Variants in IRF3 observed in about 807,000 individuals in gnomAD.
IRF3 encodes the protein interferon regulatory factor 3.
IRF3 carries 29 observed loss-of-function variants against 43.2 expected under a neutral mutation model. The ratio of observed to expected loss-of-function variants is 0.67; its 90% CI spans 0.50 to 0.91. IRF3 has a LOEUF of 0.91. IRF3 is among the 40% of genes least tolerant of loss of function. The probability of loss-of-function intolerance (pLI) is 0.00; values close to 1 mark genes in which losing one functional copy is unlikely to be tolerated. For synonymous variants in IRF3, 228 were observed against 233.9 expected (o/e 0.97, Z 0.23); for missense variants, 505 against 559.1 (o/e 0.90, Z 0.98).
intron 2 of IRF3, chr19:49,663,856 T>C (rs1220891069): frequency 2.1e-5 from 6 of 282,746 alleles, no homozygotes; most frequent in Non-Finnish European, 4.1e-5. Context: ...CCACTACACC[T>C]GGCTAATTTT....
Position 49,662,522 on chromosome 19 carries a change from AG to A in IRF3, c.503del (p.Pro168LeufsTer25). ...PSLAVAPEPCPQPLRSPSLDN... is the reference protein window; with the variant it reads ...PSLAVAPEPCXQPLRSPSLDN... ...CCAAGCTGGGGCTCCGCAGGGGCTG[AG>A]GGCAGGGCTCAGGGGCTACAGCCAG... On this transcript the variant is annotated frameshift_variant, in exon 5 of 8. Transcript: ENST00000377139. LOFTEE classifies it high-confidence loss of function. 1 of 1,546,386 alleles carries A rather than the reference AG, an allele frequency of 6.5e-7. No individual in the cohort carries two copies. The highest frequency in any genetic ancestry group is 8.7e-7 in the Non-Finnish European group (1 of 1,150,052).
chr19:49,665,729 T>C lies in IRF3; in HGVS notation c.-107A>G, dbSNP rs1320960172. On this transcript the variant is annotated 5_prime_UTR_variant, in exon 1 of 8. It removes the in-frame stop codon of an upstream open reading frame in the 5' UTR. Coordinates refer to ENST00000377139, the MANE Select transcript of IRF3 (RefSeq NM_001571.6). Reference sequence around the variant, plus strand: ...TCGAGGCTGCGCACCCCCTTTCCCGTCAGCTGAGCTCTAGAGCGCTGGGGC... The same window carrying C: ...TCGAGGCTGCGCACCCCCTTTCCCGCCAGCTGAGCTCTAGAGCGCTGGGGC... The C allele has an allele frequency of 4.1e-6, 6 of 1,473,804 alleles. No homozygotes were observed. Among genetic ancestry groups the C allele is most frequent in the Admixed American group, 2.2e-5 (1 of 45,458 alleles). 91.3% of individuals were successfully genotyped at this position (1,473,804 alleles called of 1,614,324 possible).
Position 49,661,742 on chromosome 19 carries a change from A to C in IRF3, c.982+206T>G, listed in dbSNP as rs967817119. The C allele has an allele frequency of 8.4e-6, 5 of 593,348 alleles. No homozygotes were observed. The African/African-American group carries it at 9.3e-5, about 11-fold the overall frequency. 36.8% of individuals were successfully genotyped at this position (593,348 alleles called of 1,614,324 possible). On this transcript the variant is annotated intron_variant, in intron 6 of 7. Transcript: ENST00000377139. ...TTACAGGCACGTGCCACCACGCCCG[A>C]CTATTTTTTTGTATCTTTAGTAGAG...
In IRF3 at chr19:49,662,582, C is replaced by A. The variant is rs1453891988; in HGVS notation, c.444G>T (p.Val148=). 3 of 1,527,742 alleles carry A rather than the reference C, an allele frequency of 2.0e-6. No homozygotes were observed. The highest frequency in any genetic ancestry group is 2.6e-6 in the Non-Finnish European group (3 of 1,141,732). 94.6% of individuals were successfully genotyped at this position (1,527,742 alleles called of 1,614,324 possible). Residue 148 remains valine, a synonymous_variant, in exon 5 of 8, where the codon GTG becomes GTT. Coordinates refer to ENST00000377139, the MANE Select transcript of IRF3 (RefSeq NM_001571.6). ...DILDELLGNM[V]LAPLPDPGPP... ...GTCCCGGATCTGGGAGTGGGGCCAACACCATGTTACCCAGTAACTCATCCA... is the reference window on the plus strand; with the variant it reads ...GTCCCGGATCTGGGAGTGGGGCCAAAACCATGTTACCCAGTAACTCATCCA...
intron 1 of IRF3, chr19:49,665,275 A>T (rs985281327): frequency 5.7e-6 from 1 of 176,194 alleles, no homozygotes; most frequent in Non-Finnish European, 1.2e-5. Flanking sequence ...CCTACAGAAG[A>T]TCTCCCAAAA....
At position 49,665,665 on chromosome 19, in the gene IRF3, A is replaced by C. The variant is rs1229756751; in HGVS notation, c.-43T>G. Reference sequence around the variant, plus strand: ...AAGGTCGGGGCGTGCGGGCAGCTGGAACCCACCCCTGTCTTGGAGCTCCGG... The same window carrying C: ...AAGGTCGGGGCGTGCGGGCAGCTGGCACCCACCCCTGTCTTGGAGCTCCGG... On this transcript the variant is annotated 5_prime_UTR_variant, in exon 1 of 8. Transcript: ENST00000377139. The C allele has an allele frequency of 2.7e-5, 27 of 982,600 alleles. No homozygotes were observed. The highest frequency in any genetic ancestry group is 3.4e-5 in the Non-Finnish European group (23 of 678,658). 60.9% of individuals were successfully genotyped at this position (982,600 alleles called of 1,614,324 possible). A position where few individuals can be genotyped will look rare whatever the true frequency, so the allele number is the denominator to read the frequency against.
rs760281489 is a variant in IRF3 at position 49,663,307 on chromosome 19, G to A, written c.337+36C>T. 2.5e-6 allele frequency: 4 copies of A among 1,613,900 alleles called. No homozygotes were observed. In the South Asian group the frequency reaches 4.4e-5, roughly 18 times the overall value. On this transcript the variant is annotated intron_variant, in intron 3 of 7. Coordinates refer to ENST00000377139, the MANE Select transcript of IRF3 (RefSeq NM_001571.6). ...AGTAGGAGTGCCAGGAACCCTTGGG[G>A]CCCCAGCCTCCCACACGAACCCCAA... is the stretch of plus-strand genomic sequence containing the variant.
In IRF3 at chr19:49,663,526, GTGGTGTCAGGA is replaced by G; in HGVS notation, c.166-23_166-13del. On this transcript the variant is annotated splice_polypyrimidine_tract_variant and intron_variant, in intron 2 of 7. Coordinates refer to ENST00000377139, the MANE Select transcript of IRF3 (RefSeq NM_001571.6). ...GCCTCGGCCCAGGCCTGGGGCAACA[GTGGTGTCAGGA>G]TGGTGGGGGAGGACGACTTAGATCC... 6.2e-7 allele frequency: 1 copy of G among 1,613,566 alleles called. No homozygotes were observed. Among genetic ancestry groups the G allele is most frequent in the Non-Finnish European group, 8.5e-7 (1 of 1,179,820 alleles).
In IRF3 at chr19:49,659,849, G is replaced by T. The variant is rs755596936; in HGVS notation, c.1099-16C>A. ...TGGGCACAACCTGCAGGGGAAGTGGGGACAGGAGTCAGGGAAAACACCCAG... is the reference window on the plus strand; with the variant it reads ...TGGGCACAACCTGCAGGGGAAGTGGTGACAGGAGTCAGGGAAAACACCCAG... On this transcript the variant is annotated splice_polypyrimidine_tract_variant and intron_variant, in intron 7 of 7. Coordinates refer to ENST00000377139, the MANE Select transcript of IRF3 (RefSeq NM_001571.6). The T allele has an allele frequency of 6.4e-7, 1 of 1,561,038 alleles. No homozygotes were observed. Among genetic ancestry groups the T allele is most frequent in the Admixed American group, 1.8e-5 (1 of 55,516 alleles).
In IRF3 at chr19:49,659,723, G is replaced by A. The variant is rs11554833; in HGVS notation, c.1209C>T (p.Leu403=). 1.4e-3 allele frequency: 2,236 copies of A among 1,613,928 alleles called. 27 individuals are homozygous for A. In the African/African-American group the frequency reaches 0.027, roughly 19 times the overall value. ...LHISNSHPLS[L]TSDQYKAYLQ... ...GGTAGGCCTTGTACTGGTCGGAGGT[G>A]AGGGAGAGTGGGTGGCTGTTGGAAA... Residue 403 remains leucine (L), a synonymous_variant, in exon 8 of 8, where the codon CTC becomes CTT. Transcript: ENST00000377139.
intron 6 of IRF3, among the ~76,000 whole-genome samples, chr19:49,661,225 T>C (rs1482381713): frequency 3.3e-5 from 5 of 152,208 alleles, no homozygotes; most frequent in Non-Finnish European, 7.3e-5. Context: ...ACGTCCTGGT[T>C]GCACTCGCCT....
In IRF3 at chr19:49,665,687, C is replaced by T. The variant is rs1055970445; in HGVS notation, c.-65G>A. ...TGGAACCCACCCCTGTCTTGGAGCTCCGGGTAGCTCTCAAACTCGAGGCTG... is the reference window on the plus strand; with the variant it reads ...TGGAACCCACCCCTGTCTTGGAGCTTCGGGTAGCTCTCAAACTCGAGGCTG... On this transcript the variant is annotated 5_prime_UTR_variant, in exon 1 of 8. Transcript: ENST00000377139. The T allele has an allele frequency of 2.0e-5, 24 of 1,223,454 alleles. No homozygotes were observed. Among genetic ancestry groups the T allele is most frequent in the Admixed American group, 9.7e-5 (4 of 41,200 alleles). 75.8% of individuals were successfully genotyped at this position (1,223,454 alleles called of 1,614,324 possible).
chr19:49,661,864 C>G (rs778895955), intron 6 of IRF3, 84 bp downstream of exon 6: 2 of 1,493,034 alleles, frequency 1.3e-6, no homozygotes, highest in African/African-American at 2.8e-5. Context: ...CAGGCGTGAG[C>G]CACCGTGCCC....
Position 49,662,553 on chromosome 19 carries a change from G to C in IRF3, c.473C>G (p.Pro158Arg). 2 of 1,530,322 alleles carry C rather than the reference G, an allele frequency of 1.3e-6. No homozygotes were observed. Among genetic ancestry groups the C allele is most frequent in the Non-Finnish European group, 1.7e-6 (2 of 1,143,208 alleles). The allele number at this position is 1,530,322 out of a possible 1,614,324, so 94.8% of individuals were successfully genotyped here. ...VLAPLPDPGP[P>R]SLAVAPEPCP... Reference sequence around the variant, plus strand: ...GGGCTCAGGGGCTACAGCCAGGCTTGGGGGTCCCGGATCTGGGAGTGGGGC... The same window carrying C: ...GGGCTCAGGGGCTACAGCCAGGCTTCGGGGTCCCGGATCTGGGAGTGGGGC... Residue 158 changes from proline (P) to arginine (R), a missense_variant, in exon 5 of 8, where the codon CCA becomes CGA. By Grantham distance (103) the Pro-to-Arg change is moderately radical (BLOSUM62 -2). Coordinates refer to ENST00000377139, the MANE Select transcript of IRF3 (RefSeq NM_001571.6).
chr19:49,664,923 CTCCTTCTCACGGGCCACGGCACAGG>C (rs1240680001), intron 1 of IRF3, 77 bp from the exon 2 acceptor site: 1 of 1,445,354 alleles, frequency 6.9e-7, no homozygotes, highest in African/African-American at 1.4e-5. Flanking sequence ...GCACCCAGAC[CTCCTTCTCACGGGCCACGGCACAGG>C]TCCTTCACCC....
At chr19:49,661,014 T>C in intron 6 of IRF3, 186 bp from the exon 7 acceptor site, 1 of 637,442 alleles carries the variant, frequency 1.6e-6, no homozygotes, top group Non-Finnish European at 2.6e-6. Flanking sequence ...AGGGTGGGGT[T>C]GTTGGAAGGC....
chr19:49,663,619 C>T (rs1252346993), intron 2 of IRF3, 105 bp from the exon 3 acceptor site: 4 of 1,083,316 alleles, frequency 3.7e-6, no homozygotes, highest in Admixed American at 2.3e-5. Context: ...CTTTCCCTGG[C>T]AAGTTCTAAC....
intron 6 of IRF3, 124 bp from the exon 7 acceptor site, chr19:49,660,952 G>A (rs980607264): frequency 6.0e-6 from 7 of 1,165,826 alleles, no homozygotes; most frequent in Non-Finnish European, 8.2e-6. Flanking sequence ...TCGACCAGGG[G>A]ACTGCTTGTT....
At chr19:49,665,444 C>T (rs533425637) in intron 1 of IRF3, 187 bp downstream of exon 1, 123 of 197,458 alleles carry the variant, frequency 6.2e-4, no homozygotes, top group African/African-American at 2.8e-3. Context: ...TCCTCTTTTC[C>T]TCTTTCCTCC....
Sources: gnomAD v4.1 joint callset for allele counts (sites outside exome capture counted in the v4.1 genomes callset) on GRCh38, gnomAD v4.1.1 for gene constraint, MANE v1.5 for transcripts, NCBI Gene and HGNC (gene_info 2026-07-23, HGNC 2026-07-21) for gene names.